The following TTC9 variants were observed in gnomAD, a reference collection of about 807,000 sequenced individuals.
The protein encoded by TTC9 is tetratricopeptide repeat domain 9.
In TTC9, 13 loss-of-function variants were observed where a neutral mutation model predicts 22.9. That is an observed-to-expected ratio of 0.57 (90% CI 0.37 to 0.90). The LOEUF is 0.90. Ranked by LOEUF, TTC9 falls within the 40% of genes least tolerant of loss-of-function variation. The pLI is 0.01. For synonymous variants in TTC9, 148 were observed against 133.2 expected (o/e 1.11, Z -0.77); for missense variants, 280 against 291.8 (o/e 0.96, Z 0.29).
At chr14:70,658,488 G>A (rs1353501439) in intron 1 of TTC9, among the ~76,000 whole-genome samples, 1 of 152,204 alleles carries the variant, frequency 6.6e-6, no homozygotes, top group Non-Finnish European at 1.5e-5. Context: ...TGTACCTGTA[G>A]ATCTGACTCA....
chr14:70,642,021 C>T lies in TTC9; in HGVS notation c.-109C>T, dbSNP rs2139634890. 8 of 756,814 alleles carry T rather than the reference C, an allele frequency of 1.1e-5. No individual in the cohort carries two copies. The highest frequency in any genetic ancestry group is 1.3e-5 in the Non-Finnish European group (8 of 617,808). 46.9% of individuals were successfully genotyped at this position (756,814 alleles called of 1,614,324 possible). A position where few individuals can be genotyped will look rare whatever the true frequency, so the allele number is the denominator to read the frequency against. On this transcript the variant is annotated 5_prime_UTR_variant, in exon 1 of 3. Transcript: ENST00000256367. The stretch of plus-strand genomic sequence containing the variant: ...CGGGGTGTCACGGCCGCCACGAAGC[C>T]TGCGAGGCGCGGGGCCGGCGCCCGC...
At chr14:70,646,193 G>A (rs71425210) in intron 1 of TTC9, among the ~76,000 whole-genome samples, 32,068 of 152,078 alleles carry the variant, frequency 0.21, 4,006 homozygotes, top group East Asian at 0.46. Flanking sequence ...TAATTTTTGC[G>A]TATCTTGTTT....
chr14:70,671,046 G>A (rs1397695538), intron 2 of TTC9, 30 bp from the exon 3 acceptor site: 1 of 1,604,612 alleles, frequency 6.2e-7, no homozygotes, highest in South Asian at 1.1e-5. Flanking sequence ...CTCACCTGGT[G>A]TTCCCTAAGG....
chr14:70,668,849 T>TAAA lies in TTC9; in HGVS notation c.589+1119_589+1121dup, dbSNP rs796950135. 2.4e-4 allele frequency among the ~76,000 whole-genome samples: 22 copies of TAAA among 91,186 alleles called. No individual in the cohort carries two copies. In the South Asian group the frequency reaches 5.7e-3, roughly 24 times the overall value. 59.8% of individuals were successfully genotyped at this position (91,186 alleles called of 152,430 possible). A position where few individuals can be genotyped will look rare whatever the true frequency, so the allele number is the denominator to read the frequency against. On this transcript the variant is annotated intron_variant, in intron 2 of 2. Transcript: ENST00000256367. ...CTGAGCGACAGAACAAGACCTTGTC[T>TAAA]AAAAAAAAAAAAAAAAAAGGAGTAA...
chr14:70,654,805 C>T (rs910320572), intron 1 of TTC9, among the ~76,000 whole-genome samples: 37 of 151,776 alleles, frequency 2.4e-4, no homozygotes, highest in Non-Finnish European at 5.0e-4. Flanking sequence ...AGAAGATTTA[C>T]GAAACAGAAA....
rs563984876 is a variant in TTC9, at chr14:70,672,998, T to C, written c.*1843T>C. On this transcript the variant is annotated 3_prime_UTR_variant, in exon 3 of 3. Transcript: ENST00000256367. ...TGTTCATGATGTCAGTGATAGTACA[T>C]GGCCTCCTTATGTATTTACTCAAGG... 14 of 152,358 alleles carry C rather than the reference T, an allele frequency of 9.2e-5. No homozygotes were observed. The highest frequency in any genetic ancestry group is 3.1e-4 in the African/African-American group (13 of 41,574). 9.4% of individuals were successfully genotyped at this position (152,358 alleles called of 1,614,324 possible). A position where few individuals can be genotyped will look rare whatever the true frequency, so the allele number is the denominator to read the frequency against.
chr14:70,648,955 G>A (rs1030199909), intron 1 of TTC9, among the ~76,000 whole-genome samples: 6 of 152,116 alleles, frequency 3.9e-5, no homozygotes, highest in Admixed American at 6.5e-5. Flanking sequence ...TTATACAGAC[G>A]TACAATGTCA....
chr14:70,663,301 C>T (rs1470898271), intron 1 of TTC9, among the ~76,000 whole-genome samples: 3 of 152,176 alleles, frequency 2.0e-5, no homozygotes, highest in Non-Finnish European at 2.9e-5. Flanking sequence ...CAGTTTCACC[C>T]AGATCAGTGA....
At chr14:70,646,765 A>G (rs534889790) in intron 1 of TTC9, among the ~76,000 whole-genome samples, 19 of 152,318 alleles carry the variant, frequency 1.2e-4, no homozygotes, top group African/African-American at 4.3e-4. Flanking sequence ...ATTGATCCCA[A>G]TTGAAGCCTT....
At chr14:70,668,584 C>G (rs959579560) in intron 2 of TTC9, among the ~76,000 whole-genome samples, 5 of 152,340 alleles carry the variant, frequency 3.3e-5, no homozygotes, top group South Asian at 4.1e-4. Context: ...GGCGTGGTGG[C>G]TCATGCCTGT....
At chr14:70,669,176 G>T (rs1010527549) in intron 2 of TTC9, among the ~76,000 whole-genome samples, 7 of 152,068 alleles carry the variant, frequency 4.6e-5, no homozygotes, top group African/African-American at 1.2e-4. Context: ...AAAGAGTAAA[G>T]AGGGGGGAGC....
At chr14:70,671,003 C>T in intron 2 of TTC9, 73 bp from the exon 3 acceptor site, 2 of 1,448,882 alleles carry the variant, frequency 1.4e-6, no homozygotes, top group Non-Finnish European at 1.9e-6. Flanking sequence ...CAGACACAGC[C>T]TTTGCTAATT....
At chr14:70,656,393 ATTAT>A (rs1420705244) in intron 1 of TTC9, among the ~76,000 whole-genome samples, 2 of 152,152 alleles carry the variant, frequency 1.3e-5, no homozygotes, top group Admixed American at 6.5e-5. Context: ...CCAATGTCCC[ATTAT>A]TTATTTAACT....
intron 1 of TTC9, among the ~76,000 whole-genome samples, chr14:70,649,627 G>A (rs1191120180): frequency 6.6e-6 from 1 of 152,114 alleles, no homozygotes; most frequent in Non-Finnish European, 1.5e-5. Context: ...ATCTTTAGGG[G>A]TTTCTTCCTT....
At chr14:70,669,043 C>G (rs974504905) in intron 2 of TTC9, among the ~76,000 whole-genome samples, 9 of 151,646 alleles carry the variant, frequency 5.9e-5, no homozygotes, top group African/African-American at 2.2e-4. Flanking sequence ...GTAGTCCCAG[C>G]TACTCAGGAG....
At chr14:70,648,174 G>A (rs922912248) in intron 1 of TTC9, among the ~76,000 whole-genome samples, 1 of 152,188 alleles carries the variant, frequency 6.6e-6, no homozygotes, top group African/African-American at 2.4e-5. Flanking sequence ...CCATCCCGAT[G>A]GGAGAGCTTG....
rs1009374048 is a variant in TTC9 at position 70,672,999 on chromosome 14, G to A, written c.*1844G>A. 1.3e-5 allele frequency: 2 copies of A among 152,166 alleles called. No individual in the cohort carries two copies. Among genetic ancestry groups the A allele is most frequent in the African/African-American group, 4.8e-5 (2 of 41,420 alleles). The allele number at this position is 152,166 out of a possible 1,614,324, so 9.4% of individuals were successfully genotyped here. ...GTTCATGATGTCAGTGATAGTACATGGCCTCCTTATGTATTTACTCAAGGG... is the reference window on the plus strand; with the variant it reads ...GTTCATGATGTCAGTGATAGTACATAGCCTCCTTATGTATTTACTCAAGGG... On this transcript the variant is annotated 3_prime_UTR_variant, in exon 3 of 3. Coordinates refer to ENST00000256367, the MANE Select transcript of TTC9 (RefSeq NM_015351.2).
At chr14:70,657,954 A>T (rs1886089691) in intron 1 of TTC9, among the ~76,000 whole-genome samples, 1 of 152,168 alleles carries the variant, frequency 6.6e-6, no homozygotes, top group Non-Finnish European at 1.5e-5. Context: ...CGACAGAGCG[A>T]GACTCCATCT....
intron 1 of TTC9, among the ~76,000 whole-genome samples, chr14:70,663,493 A>G (rs550281892): frequency 2.6e-5 from 4 of 152,360 alleles, no homozygotes; most frequent in Admixed American, 6.5e-5. Context: ...CAAAATGTCA[A>G]TAGTGCTGAG....
Sources: allele counts gnomAD v4.1 joint callset (sites outside exome capture counted in the v4.1 genomes callset), GRCh38; gene constraint gnomAD v4.1.1; transcripts MANE v1.5; gene names NCBI Gene and HGNC (gene_info 2026-07-23, HGNC 2026-07-21).